Variants in NFASC observed in about 807,000 individuals in gnomAD.
The protein encoded by NFASC is neurofascin homolog.
NFASC carries 43 observed loss-of-function variants against 147.5 expected under a neutral mutation model. The observed-to-expected ratio is 0.29, with a 90% confidence interval of 0.23 to 0.38. The LOEUF is 0.38. NFASC is among the 10% of genes least tolerant of loss of function. The pLI, the probability that NFASC is intolerant of heterozygous loss-of-function variation, is 1.00. For missense variants in NFASC, 1,320 were observed against 1,689.0 expected (o/e 0.78, Z 3.83); for synonymous variants, 622 against 665.5 (o/e 0.93, Z 1.01).
At chr1:204,922,191 A>G (rs2090632201) in intron 2 of NFASC, among the ~76,000 whole-genome samples, 1 of 152,108 alleles carries the variant, frequency 6.6e-6, no homozygotes, top group South Asian at 2.1e-4. Flanking sequence ...CGCTCTTGGC[A>G]CTTTCCCATG....
Position 204,975,159 on chromosome 1 carries a change from C to A in NFASC, c.1559-112C>A. 8.4e-7 allele frequency: 1 copy of A among 1,186,552 alleles called. No individual in the cohort carries two copies. Among genetic ancestry groups the A allele is most frequent in the Non-Finnish European group, 1.2e-6 (1 of 841,836 alleles). The allele number at this position is 1,186,552 out of a possible 1,614,324, so 73.5% of individuals were successfully genotyped here. A position where few individuals can be genotyped will look rare whatever the true frequency, so the allele number is the denominator to read the frequency against. On this transcript the variant is annotated intron_variant, in intron 14 of 29. Coordinates refer to ENST00000339876, the MANE Select transcript of NFASC (RefSeq NM_001005388.3). The surrounding 1 kb of genome is among the most constrained non-coding windows in gnomAD (Gnocchi z 4.0). ...CATACCATAGCATACTGTTTGTGCC[C>A]CACTCCATAGTTGGCCCAAGGCCTC...
chr1:204,851,376 A>C (rs2075680158), intron 1 of NFASC, among the ~76,000 whole-genome samples: 1 of 145,848 alleles, frequency 6.9e-6, no homozygotes, highest in Non-Finnish European at 1.5e-5. Context: ...TTTGTCACCC[A>C]GGCTGCAGTG....
intron 1 of NFASC, among the ~76,000 whole-genome samples, chr1:204,918,385 G>A (rs1004880376): frequency 5.9e-5 from 9 of 151,992 alleles, no homozygotes; most frequent in African/African-American, 1.5e-4. Flanking sequence ...CCTCCTTTTA[G>A]TGTTAGTGTA....
chr1:204,926,232 C>T (rs371834272), intron 2 of NFASC, among the ~76,000 whole-genome samples: 2 of 151,360 alleles, frequency 1.3e-5, no homozygotes, highest in Non-Finnish European at 2.9e-5. Flanking sequence ...TTAGCAATCA[C>T]TTACTTGGTT....
At chr1:204,923,202 G>A (rs893413750) in intron 2 of NFASC, among the ~76,000 whole-genome samples, 4 of 152,152 alleles carry the variant, frequency 2.6e-5, no homozygotes, top group Non-Finnish European at 4.4e-5. Context: ...AGTGTTCCCC[G>A]GGGCTGCAGG....
intron 1 of NFASC, among the ~76,000 whole-genome samples, chr1:204,889,039 A>C (rs1251195199): frequency 6.6e-6 from 1 of 152,230 alleles, no homozygotes; most frequent in Non-Finnish European, 1.5e-5. Flanking sequence ...CAGTGAGTCC[A>C]GGAGTCAGCC....
At chr1:204,981,709 G>A (rs1368112969) in intron 20 of NFASC, 89 bp from the exon 21 acceptor site, 2 of 813,668 alleles carry the variant, frequency 2.5e-6, no homozygotes, top group East Asian at 2.9e-5. Flanking sequence ...ATCTGGAAGG[G>A]ATGCCTGGCA....
Position 204,979,063 on chromosome 1 carries a change from A to G in NFASC, c.1972A>G (p.Ile658Val), listed in dbSNP as rs745372949. Residue 658 changes from isoleucine (I) to valine (V), a missense_variant, in exon 18 of 30, where the codon ATC becomes GTC. This residue lies in a region of NFASC where 981 missense variants were observed against 1,289.5 expected (regional missense o/e 0.76). Coordinates refer to ENST00000339876, the MANE Select transcript of NFASC (RefSeq NM_001005388.3). This position sits in a 1 kb window ranked among gnomAD's most constrained non-coding sequence, Gnocchi z 6.0. Reference sequence around the variant, plus strand: ...CCCCGGGGATGCTAACAACAGCCCCATCACAGGTAGCTCAGGGCCTTGCAC... The same window carrying G: ...CCCCGGGGATGCTAACAACAGCCCCGTCACAGGTAGCTCAGGGCCTTGCAC... ...WIPGDANNSP[I>V]TDYVVQFEED... is the part of the protein sequence containing the mutation. The G allele has an allele frequency of 3.2e-6, 5 of 1,557,322 alleles. No homozygotes were observed. Among genetic ancestry groups the G allele is most frequent in the African/African-American group, 1.4e-5 (1 of 73,480 alleles).
chr1:204,950,574 C>A lies in NFASC; in HGVS notation c.109C>A (p.Leu37Met). Reference protein sequence around the residue: ...IPMDPSIQNELTQPPTITKQS... With the variant: ...IPMDPSIQNEMTQPPTITKQS... ...ACTAACAGCAAGCATTCAGAATGAGCGTAAGTGCCCTGTGTGCCTCTCTGT... is the reference window on the plus strand; with the variant it reads ...ACTAACAGCAAGCATTCAGAATGAGAGTAAGTGCCCTGTGTGCCTCTCTGT... The change falls in exon 4 of 30, where the codon CTG (leucine) becomes ATG (methionine). Residue 37 changes from leucine to methionine, a missense_variant and splice_region_variant. By Grantham distance (15) the Leu-to-Met change is conservative. This residue lies in a region of NFASC where 981 missense variants were observed against 1,289.5 expected (regional missense o/e 0.76). Transcript: ENST00000339876. 1.9e-6 allele frequency: 3 copies of A among 1,612,390 alleles called. No individual in the cohort carries two copies. Among genetic ancestry groups the A allele is most frequent in the Non-Finnish European group, 2.5e-6 (3 of 1,179,170 alleles).
chr1:204,925,090 G>A (rs2091250531), intron 2 of NFASC, among the ~76,000 whole-genome samples: 1 of 152,140 alleles, frequency 6.6e-6, no homozygotes, highest in Non-Finnish European at 1.5e-5. Context: ...GGCCAGGCTG[G>A]TCTTGAACTC....
chr1:205,012,851 G>A lies in NFASC; in HGVS notation c.3476G>A (p.Gly1159Asp). The A allele has an allele frequency of 6.2e-7, 1 of 1,613,052 alleles. No homozygotes were observed. Among genetic ancestry groups the A allele is most frequent in the South Asian group, 1.1e-5 (1 of 91,064 alleles). The change falls in exon 29 of 30, where the codon GGC becomes GAC. Residue 1159 changes from glycine to aspartate, a missense_variant. Physicochemically the swap from Gly to Asp is moderately conservative, Grantham distance 94. This residue lies in a region of NFASC where 167 missense variants were observed against 233.8 expected (regional missense o/e 0.71). Coordinates refer to ENST00000339876, the MANE Select transcript of NFASC (RefSeq NM_001005388.3). ...LGPEDPKEED[G>D]SFDYSDEDNK... ...CCTGAAGACCCCAAGGAAGAGGATG[G>A]CTCATTTGACTATAGGTGCGTGATC...
chr1:204,921,816 C>T (rs995977297), intron 2 of NFASC, among the ~76,000 whole-genome samples: 6 of 152,020 alleles, frequency 3.9e-5, no homozygotes, highest in African/African-American at 1.4e-4. Context: ...TATGATTTCT[C>T]ATATCAATGG....
Position 204,997,411 on chromosome 1 carries a change from T to G in NFASC, c.3019+5T>G, listed in dbSNP as rs1361404425. Reference sequence around the variant, plus strand: ...GGACTAAGATACACGAATCCGGTACTGCGCATCGCCCATGCTCCCCATCCC... The same window carrying G: ...GGACTAAGATACACGAATCCGGTACGGCGCATCGCCCATGCTCCCCATCCC... On this transcript the variant is annotated splice_donor_5th_base_variant and intron_variant, in intron 25 of 29. Transcript: ENST00000339876. 8 of 1,551,924 alleles carry G rather than the reference T, an allele frequency of 5.2e-6. No homozygotes were observed. In the South Asian group the frequency reaches 9.5e-5, roughly 18 times the overall value.
chr1:204,927,785 A>G (rs923848520), intron 2 of NFASC, among the ~76,000 whole-genome samples: 3 of 151,710 alleles, frequency 2.0e-5, no homozygotes, highest in African/African-American at 7.3e-5. Flanking sequence ...TTGATACCCC[A>G]CGCCTTCTCC....
At chr1:204,977,230 C>A in intron 16 of NFASC, 2 of 511,270 alleles carry the variant, frequency 3.9e-6, no homozygotes, top group Non-Finnish European at 5.3e-6. Flanking sequence ...GGTAGCGTTT[C>A]ATCACATGCT....
At chr1:204,880,826 A>G (rs1261833620) in intron 1 of NFASC, among the ~76,000 whole-genome samples, 3 of 152,192 alleles carry the variant, frequency 2.0e-5, no homozygotes, top group African/African-American at 7.2e-5. Context: ...AGCGTCAGAG[A>G]GAACCCAAAA....
chr1:204,988,621 C>T lies in NFASC; in HGVS notation c.2594-12C>T. ...TGCTAAAGTTTAATTCCACTTACCT[C>T]TCTCTCCCCAGTTAACGGGACCAAA... On this transcript the variant is annotated splice_polypyrimidine_tract_variant and intron_variant, in intron 22 of 29. Coordinates refer to ENST00000339876, the MANE Select transcript of NFASC (RefSeq NM_001005388.3). 6.2e-7 allele frequency: 1 copy of T among 1,613,146 alleles called. No homozygotes were observed. Among genetic ancestry groups the T allele is most frequent in the South Asian group, 1.1e-5 (1 of 91,050 alleles).
chr1:205,003,976 A>G (rs1202930038), intron 27 of NFASC, among the ~76,000 whole-genome samples: 1 of 152,210 alleles, frequency 6.6e-6, no homozygotes, highest in Admixed American at 6.5e-5. Context: ...AGGCCGACTC[A>G]GGCAGGATGT....
At position 205,022,262 on chromosome 1, in the gene NFASC, C is replaced by A; in HGVS notation, c.*5723C>A. ...AGTGTTGTCCCTCTGCCCGGCTCCC[C>A]AGCTCTTTGCCAACCTCTTCACACT... On this transcript the variant is annotated 3_prime_UTR_variant, in exon 30 of 30. Transcript: ENST00000339876. 6.5e-6 allele frequency: 1 copy of A among 152,836 alleles called. No individual in the cohort carries two copies. The highest frequency in any genetic ancestry group is 1.5e-5 in the Non-Finnish European group (1 of 68,114). 9.5% of individuals were successfully genotyped at this position (152,836 alleles called of 1,614,324 possible).
Sources: gnomAD v4.1 joint callset for allele counts (sites outside exome capture counted in the v4.1 genomes callset) on GRCh38, gnomAD v4.1.1 for gene constraint, gnomAD v4.1.1 regional missense constraint, Gnocchi (gnomAD v3.1) non-coding constraint, MANE v1.5 for transcripts, NCBI Gene and HGNC (gene_info 2026-07-23, HGNC 2026-07-21) for gene names.